CADM2: variants seen among roughly 807,000 people sequenced by gnomAD.
CADM2 encodes cell adhesion molecule 2.
Under a neutral mutation model 49.8 loss-of-function variants are expected in CADM2, and 12 were observed. The ratio of observed to expected loss-of-function variants is 0.24; its 90% CI spans 0.15 to 0.39. CADM2 has a LOEUF of 0.39. Ranked by LOEUF, CADM2 falls within the 10% of genes least tolerant of loss-of-function variation. The pLI is 1.00. For missense variants in CADM2, 378 were observed against 492.3 expected (o/e 0.77, Z 2.20); for synonymous variants, 214 against 175.4 (o/e 1.22, Z -1.74).
At chr3:85,908,254 CTTTTTTTTTT>C (rs898710165) in intron 5 of CADM2, among the ~76,000 whole-genome samples, 1 of 65,776 alleles carries the variant, frequency 1.5e-5, no homozygotes, top group African/African-American at 5.6e-5. Flanking sequence ...TTTTTTTCTT[CTTTTTTTTTT>C]TTTTTTTTTT....
chr3:85,674,054 T>A (rs2065822482), intron 1 of CADM2, among the ~76,000 whole-genome samples: 1 of 152,096 alleles, frequency 6.6e-6, no homozygotes, highest in South Asian at 2.1e-4. Context: ...CAGTAAAATA[T>A]GAACACTGGG....
At chr3:85,722,137 C>T (rs374753266) in intron 1 of CADM2, among the ~76,000 whole-genome samples, 1 of 152,032 alleles carries the variant, frequency 6.6e-6, no homozygotes, top group Non-Finnish European at 1.5e-5. Flanking sequence ...TGGGTAGCTC[C>T]TCTCTGCAGC....
intron 3 of CADM2, among the ~76,000 whole-genome samples, chr3:85,878,826 T>C (rs1712311043): frequency 1.3e-5 from 2 of 152,154 alleles, no homozygotes; most frequent in South Asian, 4.1e-4. Flanking sequence ...TTAAATTCCT[T>C]TTGTCTGGAT....
At chr3:85,184,392 G>T (rs2041004893) in intron 1 of CADM2, among the ~76,000 whole-genome samples, 2 of 152,024 alleles carry the variant, frequency 1.3e-5, no homozygotes, top group African/African-American at 4.8e-5. Context: ...CTAGGGCTGA[G>T]AAATGACCTA....
At chr3:85,734,518 TACAC>T (rs1011111911) in intron 2 of CADM2, among the ~76,000 whole-genome samples, 3 of 143,970 alleles carry the variant, frequency 2.1e-5, no homozygotes, top group Admixed American at 7.1e-5. Context: ...ATTTGACACA[TACAC>T]ACATACACAC....
chr3:85,214,738 T>A (rs2041881156), intron 1 of CADM2, among the ~76,000 whole-genome samples: 1 of 151,668 alleles, frequency 6.6e-6, no homozygotes, highest in South Asian at 2.1e-4. Context: ...GCCACCATTG[T>A]CCCCAGCCCA....
At chr3:85,872,482 A>G (rs935157000) in intron 3 of CADM2, among the ~76,000 whole-genome samples, 1 of 146,276 alleles carries the variant, frequency 6.8e-6, no homozygotes, top group South Asian at 2.2e-4. Context: ...GTGAATTACT[A>G]AAAAAAAAAG....
intron 1 of CADM2, among the ~76,000 whole-genome samples, chr3:85,463,824 T>C (rs2038365332): frequency 6.6e-6 from 1 of 152,166 alleles, no homozygotes; most frequent in Non-Finnish European, 1.5e-5. Flanking sequence ...TACTAGACCA[T>C]GTATTTACAA....
At chr3:85,174,551 A>G in intron 1 of CADM2, among the ~76,000 whole-genome samples, 1 of 151,236 alleles carries the variant, frequency 6.6e-6, no homozygotes, top group East Asian at 1.9e-4. Flanking sequence ...TATTTTAATT[A>G]CACTCTTTTC....
At chr3:85,256,057 T>A (rs974464756) in intron 1 of CADM2, among the ~76,000 whole-genome samples, 3 of 152,054 alleles carry the variant, frequency 2.0e-5, no homozygotes, top group African/African-American at 7.2e-5. Context: ...ATACAGTGTG[T>A]GTTTTCAGCC....
intron 1 of CADM2, among the ~76,000 whole-genome samples, chr3:84,960,873 A>G (rs1286509238): frequency 1.3e-5 from 2 of 152,090 alleles, no homozygotes; most frequent in Non-Finnish European, 2.9e-5. Context: ...GCGGCGTGCT[A>G]GGGCTAGGTG....
chr3:85,753,524 T>C (rs145521021), intron 2 of CADM2, among the ~76,000 whole-genome samples: 77 of 149,838 alleles, frequency 5.1e-4, no homozygotes, highest in African/African-American at 1.7e-3. Flanking sequence ...AACACTGACA[T>C]ACACACACAC....
At chr3:85,833,277 C>A (rs1396251613) in intron 3 of CADM2, among the ~76,000 whole-genome samples, 1 of 144,746 alleles carries the variant, frequency 6.9e-6, no homozygotes, top group Admixed American at 6.9e-5. Context: ...CTGCAGTTTT[C>A]TTTGTTGTTG....
At chr3:85,368,551 T>C (rs183465391) in intron 1 of CADM2, among the ~76,000 whole-genome samples, 27 of 147,832 alleles carry the variant, frequency 1.8e-4, no homozygotes, top group Admixed American at 1.4e-3. Context: ...TATACCTGAA[T>C]ATATATATAC....
chr3:85,138,360 C>A lies in CADM2; in HGVS notation c.61+178692C>A, dbSNP rs1456756184. Among the ~76,000 whole-genome samples, 3 of 152,100 alleles carry A rather than the reference C, an allele frequency of 2.0e-5. No homozygotes were observed. The East Asian group carries it at 5.8e-4, about 29-fold the overall frequency. ...AAGAGGTGAGAAAATACAAGAGACT[C>A]AGTGAGTCTCTTGAGGCTTTCTTCA... is the stretch of plus-strand genomic sequence containing the variant. On this transcript the variant is annotated intron_variant, in intron 1 of 9. Coordinates refer to ENST00000383699, the MANE Select transcript of CADM2 (RefSeq NM_001167675.2).
chr3:85,090,484 A>C (rs1210293412), intron 1 of CADM2, among the ~76,000 whole-genome samples: 1 of 152,204 alleles, frequency 6.6e-6, no homozygotes, highest in Non-Finnish European at 1.5e-5. Context: ...TCTATGCACT[A>C]ATAATAATAA....
At chr3:85,532,458 C>T (rs552666392) in intron 1 of CADM2, among the ~76,000 whole-genome samples, 202 of 152,032 alleles carry the variant, frequency 1.3e-3, no homozygotes, top group Non-Finnish European at 2.2e-3. Context: ...TCTTTAAATA[C>T]CCCAGTAAAA....
chr3:85,530,317 T>G, intron 1 of CADM2, among the ~76,000 whole-genome samples: 1 of 131,308 alleles, frequency 7.6e-6, no homozygotes, highest in African/African-American at 2.7e-5. Flanking sequence ...AGACTTCTTT[T>G]CTCCGTTTTT....
chr3:85,603,073 C>A (rs181672765), intron 1 of CADM2, among the ~76,000 whole-genome samples: 1 of 151,848 alleles, frequency 6.6e-6, no homozygotes, highest in East Asian at 1.9e-4. Flanking sequence ...TGTTCATGTC[C>A]CTTTCTCTAC....
Sources: gnomAD v4.1 joint callset for allele counts (sites outside exome capture counted in the v4.1 genomes callset) on GRCh38, gnomAD v4.1.1 for gene constraint, MANE v1.5 for transcripts, NCBI Gene and HGNC (gene_info 2026-07-23, HGNC 2026-07-21) for gene names.